Variants in DNAJB6 observed in about 807,000 individuals in gnomAD.
The protein encoded by DNAJB6 is dnaJ homolog subfamily B member 6.
In DNAJB6, 16 loss-of-function variants were observed where a neutral mutation model predicts 42.7. That is an observed-to-expected ratio of 0.37 (90% CI 0.25 to 0.57). DNAJB6 has a LOEUF of 0.57. DNAJB6 is among the 20% of genes least tolerant of loss of function. The probability of loss-of-function intolerance (pLI) is 0.74; values close to 1 mark genes in which losing one functional copy is unlikely to be tolerated. For synonymous variants in DNAJB6, 170 were observed against 163.5 expected (o/e 1.04, Z -0.30); for missense variants, 347 against 416.8 (o/e 0.83, Z 1.46).
intron 1 of DNAJB6, among the ~76,000 whole-genome samples, chr7:157,345,251 C>T (rs1484967071): frequency 2.0e-5 from 3 of 152,284 alleles, no homozygotes; most frequent in African/African-American, 7.2e-5. Flanking sequence ...GCCTCAGCCT[C>T]CCAAAGTGCT....
intron 8 of DNAJB6, among the ~76,000 whole-genome samples, chr7:157,408,700 G>C (rs1403535051): frequency 1.3e-5 from 2 of 152,240 alleles, no homozygotes; most frequent in Non-Finnish European, 2.9e-5. Context: ...CTCAGCACTG[G>C]AAGTGGTGTA....
Position 157,406,709 on chromosome 7 carries a change from G to A in DNAJB6, c.692-3086G>A, listed in dbSNP as rs183773130. Among the ~76,000 whole-genome samples, 953 of 152,330 alleles carry A rather than the reference G, an allele frequency of 6.3e-3. 5 individuals carry two copies. Among genetic ancestry groups the A allele is most frequent in the Non-Finnish European group, 0.011 (725 of 68,026 alleles). On this transcript the variant is annotated intron_variant, in intron 8 of 9. Transcript: ENST00000262177. Reference sequence around the variant, plus strand: ...CCGCAGCCGGCCAGCTCAGCGGCCCGGGGTTGGAAGGAACGCAACATCCAT... The same window carrying A: ...CCGCAGCCGGCCAGCTCAGCGGCCCAGGGTTGGAAGGAACGCAACATCCAT...
intron 8 of DNAJB6, among the ~76,000 whole-genome samples, chr7:157,387,144 C>A (rs1411784728): frequency 6.6e-6 from 1 of 152,134 alleles, no homozygotes; most frequent in Admixed American, 6.5e-5. Flanking sequence ...TACGCCAGAG[C>A]CCTTAAGCAA....
chr7:157,415,847 C>T (rs931752304), intron 9 of DNAJB6, among the ~76,000 whole-genome samples, 169 bp from the exon 10 acceptor site: 9 of 152,228 alleles, frequency 5.9e-5, no homozygotes, highest in Non-Finnish European at 1.5e-5. Flanking sequence ...CAGTTCTCAA[C>T]GTGCACCTTG....
At chr7:157,382,067 T>C in intron 5 of DNAJB6, 179 bp from the exon 6 acceptor site, 2 of 548,612 alleles carry the variant, frequency 3.6e-6, no homozygotes, top group Non-Finnish European at 6.1e-6. Flanking sequence ...AACTAGTTAG[T>C]AAAACTGTTG....
At chr7:157,382,977 C>T (rs1185195588) in intron 6 of DNAJB6, among the ~76,000 whole-genome samples, 1 of 152,100 alleles carries the variant, frequency 6.6e-6, no homozygotes, top group East Asian at 1.9e-4. Flanking sequence ...TCCAGTTTCT[C>T]TTCACAAAGG....
chr7:157,389,666 C>T (rs565924324), intron 8 of DNAJB6, among the ~76,000 whole-genome samples: 2 of 152,084 alleles, frequency 1.3e-5, no homozygotes, highest in Non-Finnish European at 2.9e-5. Context: ...TGGGGTAGAC[C>T]GAAGTCTGTC....
At chr7:157,356,493 G>A (rs993173853) in intron 1 of DNAJB6, among the ~76,000 whole-genome samples, 2 of 152,136 alleles carry the variant, frequency 1.3e-5, no homozygotes, top group Non-Finnish European at 2.9e-5. Flanking sequence ...AATCCTGTAT[G>A]TTGCCATGTC....
At chr7:157,381,994 C>A (rs926401259) in intron 5 of DNAJB6, 20 of 314,770 alleles carry the variant, frequency 6.4e-5, no homozygotes, top group Non-Finnish European at 1.1e-4. Context: ...TGTGTATGTG[C>A]TGTTTTTTTA....
intron 1 of DNAJB6, among the ~76,000 whole-genome samples, chr7:157,343,652 T>C (rs1341586989): frequency 2.0e-5 from 3 of 152,022 alleles, no homozygotes; most frequent in Non-Finnish European, 4.4e-5. Context: ...TTTCACCACG[T>C]TGGCCATGCT....
intron 8 of DNAJB6, among the ~76,000 whole-genome samples, chr7:157,395,417 A>G (rs966249231): frequency 1.2e-4 from 19 of 152,174 alleles, no homozygotes; most frequent in African/African-American, 4.3e-4. Context: ...TTTCCTGCGT[A>G]TGCAGGAGCT....
intron 8 of DNAJB6, among the ~76,000 whole-genome samples, chr7:157,390,142 C>T (rs1408148550): frequency 6.6e-6 from 1 of 152,242 alleles, no homozygotes; most frequent in African/African-American, 2.4e-5. Context: ...GTTGCTGTCC[C>T]ACAGCCCTTG....
intron 8 of DNAJB6, among the ~76,000 whole-genome samples, chr7:157,405,141 T>C (rs1795716166): frequency 6.6e-6 from 1 of 152,112 alleles, no homozygotes. Context: ...TCCTCCCACA[T>C]GTGGGACGCG....
intron 1 of DNAJB6, among the ~76,000 whole-genome samples, chr7:157,355,312 C>T (rs769756313): frequency 2.0e-5 from 3 of 152,220 alleles, no homozygotes; most frequent in Non-Finnish European, 4.4e-5. Flanking sequence ...AGGCACCCGC[C>T]ACCTCTCTTG....
chr7:157,406,115 T>G (rs1183918430), intron 8 of DNAJB6, among the ~76,000 whole-genome samples: 4 of 152,238 alleles, frequency 2.6e-5, no homozygotes, highest in Admixed American at 2.6e-4. Context: ...ACCAACTGTG[T>G]GTCCCTTTTG....
At chr7:157,342,888 A>G (rs1798480374) in intron 1 of DNAJB6, among the ~76,000 whole-genome samples, 2 of 151,770 alleles carry the variant, frequency 1.3e-5, no homozygotes, top group Non-Finnish European at 2.9e-5. Flanking sequence ...ATTTTAGGAC[A>G]TACTGGATAA....
At chr7:157,363,378 T>G in intron 3 of DNAJB6, 108 bp downstream of exon 3, 1 of 656,458 alleles carries the variant, frequency 1.5e-6, no homozygotes. Flanking sequence ...GTGACTTGTT[T>G]TTGATGCCTA....
At chr7:157,414,284 TC>T (rs949792895) in intron 9 of DNAJB6, 4 of 146,074 alleles carry the variant, frequency 2.7e-5, no homozygotes, top group Non-Finnish European at 6.1e-5. Flanking sequence ...CCCGCCCCCA[TC>T]CCACGGGGTC....
intron 8 of DNAJB6, among the ~76,000 whole-genome samples, chr7:157,400,642 C>T (rs1801817729): frequency 6.6e-6 from 1 of 152,226 alleles, no homozygotes; most frequent in Non-Finnish European, 1.5e-5. Flanking sequence ...CATCACCAGG[C>T]TCACCGCCGG....
Sources: gnomAD v4.1 joint callset for allele counts (sites outside exome capture counted in the v4.1 genomes callset) on GRCh38, gnomAD v4.1.1 for gene constraint, MANE v1.5 for transcripts, NCBI Gene and HGNC (gene_info 2026-07-23, HGNC 2026-07-21) for gene names.